PRKCB: variants seen among roughly 807,000 people sequenced by gnomAD.
PRKCB encodes the protein protein kinase C beta type.
A neutral mutation model predicts 81.5 loss-of-function variants in PRKCB; 13 were observed. That is an observed-to-expected ratio of 0.16 (90% CI 0.10 to 0.25). The LOEUF (loss-of-function observed/expected upper bound fraction) is 0.25. PRKCB is among the 10% of genes least tolerant of loss of function. The pLI, the probability that PRKCB is intolerant of heterozygous loss-of-function variation, is 1.00. For missense variants in PRKCB, 509 were observed against 875.7 expected (o/e 0.58, Z 5.29); for synonymous variants, 335 against 321.4 (o/e 1.04, Z -0.45).
intron 2 of PRKCB, among the ~76,000 whole-genome samples, chr16:23,875,312 T>C (rs1274761810): frequency 2.0e-5 from 3 of 151,872 alleles, no homozygotes; most frequent in Admixed American, 1.3e-4. Flanking sequence ...GTGCTGGGAT[T>C]ACAAGCGTGA....
At chr16:23,970,675 C>G (rs1964544068) in intron 2 of PRKCB, among the ~76,000 whole-genome samples, 1 of 152,286 alleles carries the variant, frequency 6.6e-6, no homozygotes, top group South Asian at 2.1e-4. Flanking sequence ...GAATCACGAT[C>G]ACACTTTCAG....
chr16:24,133,899 T>TA (rs34027756), intron 9 of PRKCB, among the ~76,000 whole-genome samples: 1 of 72,362 alleles, frequency 1.4e-5, no homozygotes, highest in African/African-American at 8.5e-5. Context: ...CTAGTTTAAA[T>TA]TTTTTTTTTT....
intron 2 of PRKCB, among the ~76,000 whole-genome samples, chr16:23,875,925 A>G (rs565930168): frequency 6.6e-6 from 1 of 152,140 alleles, no homozygotes; most frequent in African/African-American, 2.4e-5. Flanking sequence ...GCATTCCTTC[A>G]TGGCACCAGG....
In PRKCB at chr16:24,001,255, CA is replaced by C. The variant is rs1349852636; in HGVS notation, c.288+12667del. 2.0e-5 allele frequency among the ~76,000 whole-genome samples: 3 copies of C among 152,110 alleles called. No homozygotes were observed. In the East Asian group the frequency reaches 5.8e-4, roughly 29 times the overall value. ...CTGGTTTGTCTAAAGATACCTTTTTCAACACTTTATGGCTTTAGAAATAATT... is the reference window on the plus strand; with the variant it reads ...CTGGTTTGTCTAAAGATACCTTTTTCACACTTTATGGCTTTAGAAATAATT... On this transcript the variant is annotated intron_variant, in intron 3 of 16. Transcript: ENST00000643927.
At chr16:23,918,457 C>T (rs1182665056) in intron 2 of PRKCB, among the ~76,000 whole-genome samples, 2 of 151,792 alleles carry the variant, frequency 1.3e-5, no homozygotes, top group South Asian at 2.1e-4. Flanking sequence ...AGTGAATTGG[C>T]GTGATCTTGG....
In PRKCB at chr16:23,905,273, C is replaced by T. The variant is rs146054397; in HGVS notation, c.205+67867C>T. ...AATTTCTTCTCTCTTCTTACTCATT[C>T]GTGTCGTTAAATAAATAACAACACA... On this transcript the variant is annotated intron_variant, in intron 2 of 16. Transcript: ENST00000643927. 7.5e-3 allele frequency among the ~76,000 whole-genome samples: 1,144 copies of T among 152,132 alleles called. 10 individuals carry two copies. Among genetic ancestry groups the T allele is most frequent in the Middle Eastern group, 0.024 (7 of 294 alleles).
At position 24,220,558 on chromosome 16, in the gene PRKCB, G is replaced by A. The variant is rs1473496040; in HGVS notation, c.*5742G>A. The A allele has an allele frequency of 6.5e-6, 1 of 154,630 alleles. No homozygotes were observed. Among genetic ancestry groups the A allele is most frequent in the Non-Finnish European group, 1.4e-5 (1 of 69,670 alleles). 9.6% of individuals were successfully genotyped at this position (154,630 alleles called of 1,614,324 possible). On this transcript the variant is annotated 3_prime_UTR_variant, in exon 17 of 17. Transcript: ENST00000643927. ...AGTTACTGTGAACTATTGTCTCTTG[G>A]AGGAAGTTTTTTGTTTAAGAATTGA...
rs1272201003 is a variant in PRKCB, at chr16:24,180,904, C to T, written c.1509C>T (p.Gly503=). Residue 503 remains glycine, a synonymous_variant, in exon 13 of 17, where the codon GGC becomes GGT. Transcript: ENST00000643927. ...GGGTGACAACCAAGACATTCTGTGG[C>T]ACTCCAGACTACATCGCCCCCGAGG... ...WDGVTTKTFC[G]TPDYIAPEII... is the part of the protein sequence containing the mutation. 2 of 1,614,008 alleles carry T rather than the reference C, an allele frequency of 1.2e-6. No homozygotes were observed. Among genetic ancestry groups the T allele is most frequent in the Admixed American group, 1.7e-5 (1 of 60,000 alleles).
chr16:24,086,584 G>A, intron 5 of PRKCB, among the ~76,000 whole-genome samples: 1 of 152,174 alleles, frequency 6.6e-6, no homozygotes, highest in South Asian at 2.1e-4. Flanking sequence ...GAATAGGATG[G>A]GGTCTCTGAA....
intron 2 of PRKCB, among the ~76,000 whole-genome samples, chr16:23,896,914 A>G (rs1963388574): frequency 2.0e-5 from 3 of 151,592 alleles, no homozygotes; most frequent in Admixed American, 1.3e-4. Flanking sequence ...CCATCCATCC[A>G]TCCATCCATC....
At position 24,172,428 on chromosome 16, in the gene PRKCB, G is replaced by A. The variant is rs544229198; in HGVS notation, c.1331+67G>A. On this transcript the variant is annotated intron_variant, in intron 11 of 16. Coordinates refer to ENST00000643927, the MANE Select transcript of PRKCB (RefSeq NM_002738.7). ...GGGTAGGTTAGTGGTTCCTTTGAGG[G>A]TGTTTTTTTGCCAAAGAGGGATCTT... 3 of 1,403,564 alleles carry A rather than the reference G, an allele frequency of 2.1e-6. No homozygotes were observed. In the African/African-American group the frequency reaches 4.3e-5, roughly 20 times the overall value. 86.9% of individuals were successfully genotyped at this position (1,403,564 alleles called of 1,614,324 possible).
intron 2 of PRKCB, among the ~76,000 whole-genome samples, chr16:23,911,153 T>TTTTTTTTTTTTTTTTTTTTTTTTTTA (rs57965434): frequency 7.1e-6 from 1 of 140,836 alleles, no homozygotes. Flanking sequence ...TTTTTTTTTT[T>TTTTTTTTTTTTTTTTTTTTTTTTTTA]GAGACAAGGT....
chr16:24,109,711 C>T lies in PRKCB; in HGVS notation c.822-3262C>T, dbSNP rs1292860377. ...CTCACTTCCCAGACGGGGTGGCGGC[C>T]GGGCAGAGGCTGCAATCTCGGCACT... On this transcript the variant is annotated intron_variant, in intron 7 of 16. Coordinates refer to ENST00000643927, the MANE Select transcript of PRKCB (RefSeq NM_002738.7). Among the ~76,000 whole-genome samples, 50 of 135,010 alleles carry T rather than the reference C, an allele frequency of 3.7e-4. 3 individuals are homozygous for T. Among genetic ancestry groups the T allele is most frequent in the Admixed American group, 8.4e-4 (12 of 14,328 alleles). The allele number at this position is 135,010 out of a possible 152,430, so 88.6% of individuals were successfully genotyped here.
At chr16:24,094,461 G>C (rs954728384) in intron 7 of PRKCB, among the ~76,000 whole-genome samples, 164 bp downstream of exon 7, 2 of 152,144 alleles carry the variant, frequency 1.3e-5, no homozygotes, top group African/African-American at 4.8e-5. Context: ...TTTGGTCCTT[G>C]TACTAAAAAC....
intron 10 of PRKCB, among the ~76,000 whole-genome samples, chr16:24,171,198 C>T (rs949846127): frequency 2.0e-5 from 3 of 152,146 alleles, no homozygotes; most frequent in African/African-American, 7.2e-5. Flanking sequence ...CTCAGATTGC[C>T]AGCTGGAATT....
At chr16:24,101,983 T>A (rs1190955707) in intron 7 of PRKCB, among the ~76,000 whole-genome samples, 4 of 152,212 alleles carry the variant, frequency 2.6e-5, no homozygotes. Flanking sequence ...ACACAGCTTG[T>A]AAGCAACGGT....
chr16:24,044,603 C>A (rs1376107998), intron 5 of PRKCB, among the ~76,000 whole-genome samples: 1 of 152,160 alleles, frequency 6.6e-6, no homozygotes, highest in Non-Finnish European at 1.5e-5. Flanking sequence ...TGGTGTAAAG[C>A]AGAGGTTGCC....
chr16:24,096,693 A>ATATATATATATATATATG (rs1966449608), intron 7 of PRKCB, among the ~76,000 whole-genome samples: 1 of 98,272 alleles, frequency 1.0e-5, no homozygotes, highest in South Asian at 3.5e-4. Flanking sequence ...ATATATATAT[A>ATATATATATATATATATG]TATATATATA....
intron 2 of PRKCB, among the ~76,000 whole-genome samples, chr16:23,842,608 C>T (rs1962286544): frequency 6.6e-6 from 1 of 152,108 alleles, no homozygotes. Context: ...GCCATGGACT[C>T]TCTAGAAAAA....
Sources: gnomAD v4.1 joint callset for allele counts (sites outside exome capture counted in the v4.1 genomes callset) on GRCh38, gnomAD v4.1.1 for gene constraint, MANE v1.5 for transcripts, NCBI Gene and HGNC (gene_info 2026-07-23, HGNC 2026-07-21) for gene names.